The following RAET1G variants were observed in gnomAD, a reference collection of about 807,000 sequenced individuals.
RAET1G encodes UL-16 binding protein 5.
In RAET1G, 25 loss-of-function variants were observed where a neutral mutation model predicts 29.5. That is an observed-to-expected ratio of 0.85 (90% CI 0.62 to 1.18). The LOEUF (loss-of-function observed/expected upper bound fraction) is 1.18. Among genes scored for constraint, RAET1G ranks in the 50% most tolerant of loss-of-function variants. The probability of loss-of-function intolerance (pLI) is 0.00; values close to 1 mark genes in which losing one functional copy is unlikely to be tolerated. For synonymous variants in RAET1G, 167 were observed against 159.5 expected (o/e 1.05, Z -0.36); for missense variants, 434 against 423.6 (o/e 1.02, Z -0.22).
chr6:149,919,335 C>A lies in RAET1G; in HGVS notation c.350-11G>T. The A allele has an allele frequency of 6.2e-7, 1 of 1,610,984 alleles. No individual in the cohort carries two copies. Among genetic ancestry groups the A allele is most frequent in the Non-Finnish European group, 8.5e-7 (1 of 1,178,170 alleles). ...GCAGGGTGAGGGGTTCTGCCCCCATCAAAGAGAGATCAGCTCTGGCCTTGA... is the reference window on the plus strand; with the variant it reads ...GCAGGGTGAGGGGTTCTGCCCCCATAAAAGAGAGATCAGCTCTGGCCTTGA... On this transcript the variant is annotated splice_polypyrimidine_tract_variant and intron_variant, in intron 2 of 4. Coordinates refer to ENST00000367360, the MANE Select transcript of RAET1G (RefSeq NM_001001788.4).
At chr6:149,917,651 T>G (rs1434950704) in intron 4 of RAET1G, among the ~76,000 whole-genome samples, 2 of 152,202 alleles carry the variant, frequency 1.3e-5, no homozygotes, top group Non-Finnish European at 2.9e-5. Context: ...CTATTCTTAT[T>G]TTAAGTATTT....
At chr6:149,918,018 G>A (rs1778488416) in intron 4 of RAET1G, among the ~76,000 whole-genome samples, 156 bp downstream of exon 4, 1 of 152,126 alleles carries the variant, frequency 6.6e-6, no homozygotes, top group East Asian at 1.9e-4. Flanking sequence ...AGCTGCCCAG[G>A]TCATTTCCAA....
At position 149,916,966 on chromosome 6, in the gene RAET1G, T is replaced by C. The variant is rs1289055551; in HGVS notation, c.951A>G (p.Thr317=). 4 of 1,548,586 alleles carry C rather than the reference T, an allele frequency of 2.6e-6. No homozygotes were observed. Among genetic ancestry groups the C allele is most frequent in the Non-Finnish European group, 3.5e-6 (4 of 1,145,260 alleles). ...HSLPCPLALY[T]INNGAARYSE... ...AATACCTGGCTGCGCCGTTATTTAT[T>C]GTATACAAGGCAAGAGGGCAGGGTA... The change falls in exon 5 of 5, where the codon ACA becomes ACG. Residue 317 remains threonine, a synonymous_variant. Coordinates refer to ENST00000367360, the MANE Select transcript of RAET1G (RefSeq NM_001001788.4).
At chr6:149,918,918 C>A (rs1031492915) in intron 3 of RAET1G, 125 bp downstream of exon 3, 3 of 1,501,270 alleles carry the variant, frequency 2.0e-6, no homozygotes, top group Non-Finnish European at 1.8e-6. Context: ...AGGAGCACCC[C>A]ACGAGGAGGT....
At chr6:149,918,716 GA>G (rs886795551) in intron 3 of RAET1G, 27 of 596,818 alleles carry the variant, frequency 4.5e-5, no homozygotes, top group African/African-American at 1.7e-4. Context: ...AAACAGACCA[GA>G]GGAGGAAAGG....
intron 3 of RAET1G, 140 bp from the exon 4 acceptor site, chr6:149,918,524 T>C: frequency 9.9e-7 from 1 of 1,012,584 alleles, no homozygotes; most frequent in Non-Finnish European, 1.5e-6. Context: ...CTGGGAGAGT[T>C]CCTGGGGTAG....
chr6:149,918,527 T>C, intron 3 of RAET1G, 143 bp from the exon 4 acceptor site: 1 of 999,148 alleles, frequency 1.0e-6, no homozygotes, highest in Non-Finnish European at 1.5e-6. Flanking sequence ...GGAGAGTTCC[T>C]GGGGTAGGAA....
chr6:149,919,150 T>C lies in RAET1G; in HGVS notation c.524A>G (p.Asp175Gly), dbSNP rs1457092649. 1 of 1,614,226 alleles carries C rather than the reference T, an allele frequency of 6.2e-7. No homozygotes were observed. The highest frequency in any genetic ancestry group is 8.5e-7 in the Non-Finnish European group (1 of 1,180,044). ...ARKMKEKWEN[D>G]KDMTMSFHYI... ...ATGGAAGGACATGGTCATATCCTTG[T>C]CATTCTCCCACTTTTCTTTCATCTT... The change falls in exon 3 of 5, where the codon GAC becomes GGC. Residue 175 changes from aspartate (D) to glycine (G), a missense_variant. Physicochemically the swap from Asp to Gly is moderately conservative, Grantham distance 94. Transcript: ENST00000367360.
rs760590294 is a variant in RAET1G at position 149,919,089 on chromosome 6, C to T, written c.585G>A (p.Glu195=). The T allele has an allele frequency of 3.1e-6, 5 of 1,614,042 alleles. No homozygotes were observed. Residue 195 remains glutamate (E), a synonymous_variant, in exon 3 of 5, where the codon GAG becomes GAA. Transcript: ENST00000367360. ...TGCTGTCCATGCCCATCAAGAAGTC[C>T]TCAAGCCATCCTGTGCAGTCTCCCA... is the stretch of plus-strand genomic sequence containing the variant. The part of the protein sequence containing the change: ...ISMGDCTGWL[E]DFLMGMDSTL...
Position 149,919,969 on chromosome 6 carries a change from G to T in RAET1G, c.86-153C>A, listed in dbSNP as rs116490771. Among the ~76,000 whole-genome samples the T allele has an allele frequency of 6.2e-3, 942 of 152,322 alleles. 15 individuals carry two copies. Among genetic ancestry groups the T allele is most frequent in the African/African-American group, 0.022 (906 of 41,562 alleles). Reference sequence around the variant, plus strand: ...GAACTGTGGTGTCCACAAGATTAAGGCGAGTGCTCCCCACTTCCATGAGGG... The same window carrying T: ...GAACTGTGGTGTCCACAAGATTAAGTCGAGTGCTCCCCACTTCCATGAGGG... On this transcript the variant is annotated intron_variant, in intron 1 of 4. Transcript: ENST00000367360.
intron 1 of RAET1G, among the ~76,000 whole-genome samples, chr6:149,920,140 GA>G (rs1778564561): frequency 6.6e-6 from 1 of 152,222 alleles, no homozygotes; most frequent in Non-Finnish European, 1.5e-5. Flanking sequence ...GATGACAGAG[GA>G]TCTTCAGCAG....
chr6:149,921,782 T>G (rs566279002), intron 1 of RAET1G, among the ~76,000 whole-genome samples: 1 of 152,080 alleles, frequency 6.6e-6, no homozygotes, highest in Admixed American at 6.5e-5. Flanking sequence ...TAGGACCACC[T>G]TCTACTCTCC....
In RAET1G at chr6:149,919,689, G is replaced by C. The variant is rs1326500352; in HGVS notation, c.213C>G (p.Val71=). ...TCTTCCCCAGGGGACTGACGGGTGT[G>C]ACTGTCTTGCTGCCACAGTCATAGT... is the stretch of plus-strand genomic sequence containing the variant. The part of the protein sequence containing the change: ...FLHYDCGSKT[V]TPVSPLGKKL... Residue 71 remains valine, a synonymous_variant, in exon 2 of 5, where the codon GTC becomes GTG. Coordinates refer to ENST00000367360, the MANE Select transcript of RAET1G (RefSeq NM_001001788.4). 1 of 1,614,020 alleles carries C rather than the reference G, an allele frequency of 6.2e-7. No homozygotes were observed. Among genetic ancestry groups the C allele is most frequent in the South Asian group, 1.1e-5 (1 of 91,082 alleles).
At chr6:149,921,657 G>A (rs1424652835) in intron 1 of RAET1G, among the ~76,000 whole-genome samples, 2 of 152,154 alleles carry the variant, frequency 1.3e-5, no homozygotes, top group Non-Finnish European at 2.9e-5. Context: ...GAAGGTCACT[G>A]ATGGCCCCCG....
chr6:149,917,002 G>A lies in RAET1G; in HGVS notation c.915C>T (p.Asp305=), dbSNP rs1369211280. The A allele has an allele frequency of 6.4e-6, 10 of 1,550,782 alleles. No homozygotes were observed. The highest frequency in any genetic ancestry group is 2.7e-5 in the African/African-American group (2 of 73,050). Residue 305 remains aspartate (D), a synonymous_variant, in exon 5 of 5, where the codon GAC becomes GAT. Transcript: ENST00000367360. ...TRVTLPIIGD[D]SHSLPCPLAL... ...CAAGAGGGCAGGGTAAGGAGTGTGAGTCGTCTCCAATGATAGGTAAAGTCA... is the reference window on the plus strand; with the variant it reads ...CAAGAGGGCAGGGTAAGGAGTGTGAATCGTCTCCAATGATAGGTAAAGTCA...
intron 2 of RAET1G, 32 bp from the exon 3 acceptor site, chr6:149,919,356 C>T (rs1374295463): frequency 3.7e-6 from 6 of 1,603,580 alleles, no homozygotes; most frequent in East Asian, 2.2e-5. Context: ...CAGCTCTGGC[C>T]TTGACAGATA....
intron 1 of RAET1G, among the ~76,000 whole-genome samples, chr6:149,921,299 A>G (rs182749491): frequency 7.7e-4 from 118 of 152,338 alleles, no homozygotes; most frequent in Admixed American, 3.5e-3. Context: ...GAATCACAAC[A>G]TAGATTCCAT....
intron 2 of RAET1G, 48 bp from the exon 3 acceptor site, chr6:149,919,372 C>T (rs779093659): frequency 7.8e-5 from 124 of 1,597,304 alleles, no homozygotes; most frequent in Non-Finnish European, 1.0e-4. Flanking sequence ...AGATATTGAG[C>T]CCCCATCCTC....
At chr6:149,920,215 A>G (rs965703110) in intron 1 of RAET1G, among the ~76,000 whole-genome samples, 2 of 152,194 alleles carry the variant, frequency 1.3e-5, no homozygotes, top group African/African-American at 4.8e-5. Context: ...ATACTGGTGC[A>G]TGGTGGGACG....
Sources: gnomAD v4.1 joint callset for allele counts (sites outside exome capture counted in the v4.1 genomes callset) on GRCh38, gnomAD v4.1.1 for gene constraint, MANE v1.5 for transcripts, NCBI Gene and HGNC (gene_info 2026-07-23, HGNC 2026-07-21) for gene names.